The following FAF1 variants were observed in gnomAD, a reference collection of about 807,000 sequenced individuals.
FAF1 encodes FAS-associated factor 1.
Under a neutral mutation model 92.5 loss-of-function variants are expected in FAF1, and 25 were observed. The observed-to-expected ratio is 0.27, with a 90% CI of 0.20 to 0.38. The LOEUF (loss-of-function observed/expected upper bound fraction) is 0.38, where lower values mean the gene tolerates loss of function less well. FAF1 is among the 10% of genes least tolerant of loss of function. The probability of loss-of-function intolerance (pLI) is 1.00; values close to 1 mark genes in which losing one functional copy is unlikely to be tolerated. For synonymous variants in FAF1, 234 were observed against 273.2 expected, an observed-to-expected ratio of 0.86 and a Z score of 1.42; for missense variants, 636 against 793.3, an observed-to-expected ratio of 0.80 and a Z score of 2.38.
chr1:50,720,843 A>T (rs1000075768), intron 6 of FAF1, among the ~76,000 whole-genome samples: 16 of 152,174 alleles, frequency 1.1e-4, no homozygotes, highest in Non-Finnish European at 7.4e-5. Context: ...ATAATAAGAC[A>T]ACCTTTATTC....
chr1:50,463,150 A>G (rs118013600), intron 18 of FAF1, among the ~76,000 whole-genome samples: 1,552 of 152,220 alleles, frequency 0.01, 39 homozygotes, highest in East Asian at 0.015. Context: ...GAGTATACCT[A>G]TGTGTTCAGC....
intron 8 of FAF1, among the ~76,000 whole-genome samples, chr1:50,653,000 T>C (rs1301480979): frequency 2.0e-5 from 3 of 152,200 alleles, no homozygotes; most frequent in African/African-American, 4.8e-5. Context: ...TCTTCTTCTA[T>C]TAATATTACT....
chr1:50,506,176 A>C (rs891790945), intron 15 of FAF1, among the ~76,000 whole-genome samples: 9 of 152,198 alleles, frequency 5.9e-5, no homozygotes, highest in African/African-American at 2.2e-4. Flanking sequence ...TAGACACAAA[A>C]AACCCACCTG....
At chr1:50,934,132 A>G (rs1481395473) in intron 1 of FAF1, among the ~76,000 whole-genome samples, 2 of 152,196 alleles carry the variant, frequency 1.3e-5, no homozygotes, top group Non-Finnish European at 2.9e-5. Context: ...GGTTGTTCTC[A>G]GAATTACAAT....
intron 1 of FAF1, among the ~76,000 whole-genome samples, chr1:50,911,132 G>GT (rs1483905790): frequency 2.6e-5 from 4 of 151,792 alleles, no homozygotes; most frequent in African/African-American, 9.7e-5. Flanking sequence ...GAGTGCAGTG[G>GT]TGTGATCTCA....
At chr1:50,704,281 G>A (rs1031717131) in intron 7 of FAF1, among the ~76,000 whole-genome samples, 2 of 152,082 alleles carry the variant, frequency 1.3e-5, no homozygotes, top group Non-Finnish European at 2.9e-5. Flanking sequence ...ACTAGGGGTG[G>A]GGGTTGAGAG....
At chr1:50,839,495 A>G (rs1644239367) in intron 2 of FAF1, among the ~76,000 whole-genome samples, 1 of 152,200 alleles carries the variant, frequency 6.6e-6, no homozygotes, top group Admixed American at 6.5e-5. Context: ...TGACAAGAGA[A>G]AAAGATGTCA....
At chr1:50,486,569 T>C (rs1646772358) in intron 17 of FAF1, among the ~76,000 whole-genome samples, 1 of 152,150 alleles carries the variant, frequency 6.6e-6, no homozygotes, top group African/African-American at 2.4e-5. Context: ...GTCTTTCTTG[T>C]TGCCTTCCTA....
chr1:50,788,116 A>C lies in FAF1; in HGVS notation c.251T>G (p.Phe84Cys), dbSNP rs762990614. The change falls in exon 4 of 19, where the codon TTT (phenylalanine) becomes TGT (cysteine). Residue 84 changes from phenylalanine to cysteine, a missense_variant. Physicochemically the swap from Phe to Cys is radical, Grantham distance 205. Transcript: ENST00000396153. ...SAPTSSSSSA[F>C]RPVMPSRQIV... ...CTGCCTGGATGGCATTACAGGTCGA[A>C]ACGCTGAAGAAGAAGAGGAAGTAGG... The C allele has an allele frequency of 6.2e-7, 1 of 1,614,164 alleles. No homozygotes were observed. Among genetic ancestry groups the C allele is most frequent in the Non-Finnish European group, 8.5e-7 (1 of 1,180,016 alleles).
chr1:50,606,090 TA>T (rs1234240641), intron 8 of FAF1, among the ~76,000 whole-genome samples: 1 of 152,164 alleles, frequency 6.6e-6, no homozygotes, highest in Admixed American at 6.5e-5. Flanking sequence ...TTTTCAACTT[TA>T]AAAAAATAAA....
intron 18 of FAF1, among the ~76,000 whole-genome samples, chr1:50,473,373 T>C (rs1166367966): frequency 6.6e-6 from 1 of 152,226 alleles, no homozygotes; most frequent in African/African-American, 2.4e-5. Flanking sequence ...ACTCTATTTC[T>C]TTCAGTACTT....
At chr1:50,515,527 A>T (rs1000789402) in intron 15 of FAF1, among the ~76,000 whole-genome samples, 2 of 152,192 alleles carry the variant, frequency 1.3e-5, no homozygotes, top group African/African-American at 4.8e-5. Flanking sequence ...ATAGTTTGAA[A>T]AGCACGGTAG....
chr1:50,523,626 C>T (rs60792426), intron 15 of FAF1, among the ~76,000 whole-genome samples: 7,333 of 152,052 alleles, frequency 0.048, 576 homozygotes, highest in African/African-American at 0.16. Flanking sequence ...TTTCTGTTGT[C>T]GTGTTGTAGG....
At chr1:50,684,229 G>C (rs1394997291) in intron 7 of FAF1, among the ~76,000 whole-genome samples, 2 of 144,220 alleles carry the variant, frequency 1.4e-5, no homozygotes, top group Non-Finnish European at 3.0e-5. Context: ...TGAAACATGT[G>C]TGTTTAATAG....
chr1:50,548,663 T>C (rs1160809492), intron 13 of FAF1, among the ~76,000 whole-genome samples: 1 of 152,258 alleles, frequency 6.6e-6, no homozygotes, highest in South Asian at 2.1e-4. Flanking sequence ...AAGTTTATGA[T>C]TCTAAACTTA....
In FAF1 at chr1:50,437,244, G is replaced by A. The variant is rs1004126102; in HGVS notation, c.*4196C>T. On this transcript the variant is annotated 3_prime_UTR_variant, in exon 19 of 19. Transcript: ENST00000396153. ...TTTCTTTTAGATAAAAATACGGATT[G>A]ATAAAAAGAATGGACAGATTCTTCT... 2 of 152,176 alleles carry A rather than the reference G, an allele frequency of 1.3e-5. No homozygotes were observed. Among genetic ancestry groups the A allele is most frequent in the African/African-American group, 4.8e-5 (2 of 41,430 alleles). 9.4% of individuals were successfully genotyped at this position (152,176 alleles called of 1,614,324 possible).
At chr1:50,820,695 C>G (rs1644035317) in intron 2 of FAF1, among the ~76,000 whole-genome samples, 1 of 152,206 alleles carries the variant, frequency 6.6e-6, no homozygotes, top group Non-Finnish European at 1.5e-5. Context: ...CTCTCTGTTG[C>G]TATGAGTTTG....
chr1:50,711,662 T>C (rs974415458), intron 6 of FAF1, among the ~76,000 whole-genome samples: 1 of 151,922 alleles, frequency 6.6e-6, no homozygotes, highest in African/African-American at 2.4e-5. Flanking sequence ...AGACAAGGTT[T>C]TACTATATTG....
At chr1:50,843,529 C>T (rs188265993) in intron 2 of FAF1, among the ~76,000 whole-genome samples, 23 of 152,222 alleles carry the variant, frequency 1.5e-4, no homozygotes, top group African/African-American at 5.5e-4. Flanking sequence ...CTCTCTTCAT[C>T]CCCCGCTCCC....
Sources: allele counts gnomAD v4.1 joint callset (sites outside exome capture counted in the v4.1 genomes callset), GRCh38; gene constraint gnomAD v4.1.1; transcripts MANE v1.5; gene names NCBI Gene and HGNC (gene_info 2026-07-23, HGNC 2026-07-21).